Variants in THSD7B observed in about 807,000 individuals in gnomAD.
THSD7B encodes the protein thrombospondin type-1 domain-containing protein 7B.
Under a neutral mutation model 213.6 loss-of-function variants are expected in THSD7B, and 138 were observed. The observed-to-expected ratio is 0.65, with a 90% CI of 0.56 to 0.74. The LOEUF (loss-of-function observed/expected upper bound fraction) is 0.74, where lower values mean the gene tolerates loss of function less well. Ranked by LOEUF, THSD7B falls within the 30% of genes least tolerant of loss-of-function variation. The pLI, the probability that THSD7B is intolerant of heterozygous loss-of-function variation, is 0.00. For missense variants in THSD7B, 1,931 were observed against 1,991.5 expected (o/e 0.97, Z 0.58); for synonymous variants, 742 against 687.0 (o/e 1.08, Z -1.25).
rs141633521 is a variant in THSD7B at position 136,940,123 on chromosome 2, C to A, written c.139+57806C>A. 7.2e-5 allele frequency among the ~76,000 whole-genome samples: 11 copies of A among 152,250 alleles called. 1 individual carries two copies. The highest frequency in any genetic ancestry group is 2.4e-4 in the African/African-American group (10 of 41,550). On this transcript the variant is annotated intron_variant, in intron 2 of 27. Coordinates refer to ENST00000409968, the MANE Select transcript of THSD7B (RefSeq NM_001316349.2). ...GCTTTTAGTGTAACCATCACCCCAA[C>A]AGTATACATTGTACCCATTAAATAA...
At chr2:137,367,349 T>A (rs910311832) in intron 12 of THSD7B, among the ~76,000 whole-genome samples, 10 of 152,012 alleles carry the variant, frequency 6.6e-5, no homozygotes, top group African/African-American at 2.4e-4. Flanking sequence ...GAAATCAGAG[T>A]CACAGGCATG....
At chr2:137,416,547 G>A (rs1573613414) in intron 14 of THSD7B, among the ~76,000 whole-genome samples, 1 of 152,172 alleles carries the variant, frequency 6.6e-6, no homozygotes, top group African/African-American at 2.4e-5. Context: ...ATTGTATCAT[G>A]TTTATTTCTC....
Position 137,074,400 on chromosome 2 carries a change from A to T in THSD7B, c.950+17170A>T, listed in dbSNP as rs548029209. On this transcript the variant is annotated intron_variant, in intron 3 of 27. Coordinates refer to ENST00000409968, the MANE Select transcript of THSD7B (RefSeq NM_001316349.2). ...AAAGTCTGTTTTATCCGAGACTAGG[A>T]TTGCAACCCCTGCCTTTTTTTGTTT... Among the ~76,000 whole-genome samples, 264 of 152,054 alleles carry T rather than the reference A, an allele frequency of 1.7e-3. 1 individual carries two copies. The highest frequency in any genetic ancestry group is 6.2e-3 in the African/African-American group (257 of 41,440).
chr2:137,578,957 G>A (rs765910954), intron 17 of THSD7B, among the ~76,000 whole-genome samples: 12 of 152,132 alleles, frequency 7.9e-5, no homozygotes, highest in Non-Finnish European at 1.5e-4. Flanking sequence ...TTAGAGCCCT[G>A]GAAGTGGACA....
intron 2 of THSD7B, among the ~76,000 whole-genome samples, chr2:137,049,105 T>A (rs924968557): frequency 1.6e-4 from 24 of 152,362 alleles, no homozygotes; most frequent in African/African-American, 5.8e-4. Flanking sequence ...GCCATATTTA[T>A]GGGATGAAAA....
chr2:137,195,864 A>G (rs905734269), intron 7 of THSD7B, among the ~76,000 whole-genome samples: 2 of 152,188 alleles, frequency 1.3e-5, no homozygotes, highest in African/African-American at 4.8e-5. Context: ...ATCTGAAACT[A>G]TATACCCACA....
At chr2:137,033,783 T>G (rs1451224084) in intron 2 of THSD7B, among the ~76,000 whole-genome samples, 1 of 151,978 alleles carries the variant, frequency 6.6e-6, no homozygotes, top group African/African-American at 2.4e-5. Context: ...CAGCTAATTT[T>G]TTTTAACACT....
intron 1 of THSD7B, among the ~76,000 whole-genome samples, chr2:136,866,411 C>T (rs936242798): frequency 6.6e-6 from 1 of 151,956 alleles, no homozygotes; most frequent in Admixed American, 6.5e-5. Flanking sequence ...CTGTAGGAAG[C>T]TATATTTTGA....
intron 12 of THSD7B, among the ~76,000 whole-genome samples, chr2:137,333,948 G>T (rs1684575854): frequency 6.6e-6 from 1 of 152,122 alleles, no homozygotes; most frequent in African/African-American, 2.4e-5. Context: ...CCAAAAGTTT[G>T]CAAACTCTGC....
intron 10 of THSD7B, among the ~76,000 whole-genome samples, chr2:137,246,944 A>G (rs1313474223): frequency 2.0e-5 from 3 of 152,156 alleles, no homozygotes; most frequent in African/African-American, 4.8e-5. Context: ...CCCAGTCAGA[A>G]TATCTTTAGG....
intron 27 of THSD7B, among the ~76,000 whole-genome samples, chr2:137,669,392 T>A (rs1188661203): frequency 2.3e-5 from 3 of 131,274 alleles, no homozygotes; most frequent in African/African-American, 6.3e-5. Context: ...TCCCTGTTGT[T>A]GTAGTGAAAA....
At chr2:137,108,083 G>A (rs1317389678) in intron 4 of THSD7B, among the ~76,000 whole-genome samples, 1 of 152,182 alleles carries the variant, frequency 6.6e-6, no homozygotes, top group Non-Finnish European at 1.5e-5. Context: ...CCTTGCACTA[G>A]GGTTTCAATT....
chr2:136,841,079 C>G (rs970904146), intron 1 of THSD7B, among the ~76,000 whole-genome samples: 2 of 152,090 alleles, frequency 1.3e-5, no homozygotes, highest in Non-Finnish European at 2.9e-5. Context: ...GGCAATTCTT[C>G]TAACAGCCCT....
chr2:136,768,985 C>G (rs1006988187), intron 1 of THSD7B, among the ~76,000 whole-genome samples: 1 of 152,148 alleles, frequency 6.6e-6, no homozygotes, highest in African/African-American at 2.4e-5. Flanking sequence ...TAGAAATTTA[C>G]TATTGTGAAT....
intron 17 of THSD7B, among the ~76,000 whole-genome samples, chr2:137,610,356 G>A (rs905255319): frequency 6.6e-6 from 1 of 152,134 alleles, no homozygotes; most frequent in Non-Finnish European, 1.5e-5. Flanking sequence ...CTAGTATTGA[G>A]AGTATCCATG....
At chr2:137,476,013 T>C (rs1237716210) in intron 15 of THSD7B, among the ~76,000 whole-genome samples, 2 of 152,158 alleles carry the variant, frequency 1.3e-5, no homozygotes, top group African/African-American at 2.4e-5. Flanking sequence ...GCCATTCTAA[T>C]TGGAGGAGGA....
At chr2:137,536,451 C>T (rs1680509142) in intron 15 of THSD7B, among the ~76,000 whole-genome samples, 1 of 151,496 alleles carries the variant, frequency 6.6e-6, no homozygotes, top group Admixed American at 6.6e-5. Context: ...GAAAATTAAG[C>T]AGTTTCTGTT....
At chr2:137,493,846 T>C (rs1246588161) in intron 15 of THSD7B, among the ~76,000 whole-genome samples, 4 of 152,220 alleles carry the variant, frequency 2.6e-5, no homozygotes, top group Admixed American at 2.0e-4. Flanking sequence ...GAAACGTACC[T>C]AGCCCTGGAT....
intron 15 of THSD7B, chr2:137,479,394 C>T (rs1054693356): frequency 7.5e-6 from 2 of 268,124 alleles, no homozygotes; most frequent in African/African-American, 2.3e-5. Context: ...GCTTGGTGGG[C>T]CTGTCCTCTG....
Sources: allele counts gnomAD v4.1 joint callset (sites outside exome capture counted in the v4.1 genomes callset), GRCh38; gene constraint gnomAD v4.1.1; transcripts MANE v1.5; gene names NCBI Gene and HGNC (gene_info 2026-07-23, HGNC 2026-07-21).